Variants in DOCK2 observed in about 807,000 individuals in gnomAD.
DOCK2 encodes dedicator of cytokinesis protein 2.
DOCK2 carries 87 observed loss-of-function variants against 248.9 expected under a neutral mutation model. The ratio of observed to expected loss-of-function variants is 0.35; its 90% CI spans 0.29 to 0.42. DOCK2 has a LOEUF of 0.42. DOCK2 is among the 10% of genes least tolerant of loss of function. DOCK2 has a pLI of 1.00. For missense variants in DOCK2, 1,747 were observed against 2,300.2 expected, an observed-to-expected ratio of 0.76 and a Z score of 4.92; for synonymous variants, 805 against 821.6, an observed-to-expected ratio of 0.98 and a Z score of 0.35.
At chr5:169,720,137 C>T (rs1207425836) in intron 22 of DOCK2, among the ~76,000 whole-genome samples, 3 of 152,182 alleles carry the variant, frequency 2.0e-5, no homozygotes, top group African/African-American at 7.2e-5. Context: ...GTGTCTGTTT[C>T]AGATTCCTCT....
chr5:169,646,987 G>T (rs575777924), intron 1 of DOCK2, among the ~76,000 whole-genome samples: 1 of 152,308 alleles, frequency 6.6e-6, no homozygotes, highest in South Asian at 2.1e-4. Context: ...AACAGTTCGG[G>T]AAGCTTACAG....
At chr5:169,892,244 C>A (rs1274777414) in intron 27 of DOCK2, among the ~76,000 whole-genome samples, 1 of 152,046 alleles carries the variant, frequency 6.6e-6, no homozygotes, top group African/African-American at 2.4e-5. Context: ...TGAAGACAAC[C>A]CCCCTCATTA....
chr5:169,674,029 C>A (rs910652762), intron 5 of DOCK2, among the ~76,000 whole-genome samples: 1 of 152,230 alleles, frequency 6.6e-6, no homozygotes, highest in Admixed American at 6.5e-5. Context: ...CAATAAATAT[C>A]TTTTTAGATA....
chr5:169,998,341 C>G (rs1754719466), intron 30 of DOCK2, among the ~76,000 whole-genome samples: 1 of 152,182 alleles, frequency 6.6e-6, no homozygotes, highest in South Asian at 2.1e-4. Context: ...TGAGATTCAC[C>G]CTTCTGAGAG....
intron 22 of DOCK2, among the ~76,000 whole-genome samples, chr5:169,745,378 C>T (rs570981552): frequency 1.3e-5 from 2 of 152,328 alleles, no homozygotes; most frequent in South Asian, 4.2e-4. Context: ...CAACTGACAA[C>T]AGTACGGCAG....
At chr5:169,642,169 C>T (rs899256349) in intron 1 of DOCK2, among the ~76,000 whole-genome samples, 1 of 152,220 alleles carries the variant, frequency 6.6e-6, no homozygotes, top group South Asian at 2.1e-4. Flanking sequence ...TTGCCAAATG[C>T]AACAGTTGAA....
At chr5:170,078,767 A>G (rs778989495) in intron 48 of DOCK2, among the ~76,000 whole-genome samples, 10 of 152,230 alleles carry the variant, frequency 6.6e-5, no homozygotes, top group Non-Finnish European at 1.3e-4. Context: ...CACGAATAAA[A>G]TAAAGTGAAC....
rs773231564 is a variant in DOCK2, at chr5:169,956,700, A to G, written c.2800-26368A>G. ...AAGTCATGGGGATGCCCTTAAATTC[A>G]CCTGTTTATAAATACAAGCTTTGTT... On this transcript the variant is annotated intron_variant, in intron 27 of 51. Coordinates refer to ENST00000520908, the MANE Select transcript of DOCK2 (RefSeq NM_004946.3). 2.3e-4 allele frequency among the ~76,000 whole-genome samples: 35 copies of G among 152,170 alleles called. 1 individual carries two copies. The highest frequency in any genetic ancestry group is 4.7e-4 in the Non-Finnish European group (32 of 68,024).
intron 15 of DOCK2, among the ~76,000 whole-genome samples, chr5:169,708,753 T>C (rs1042412565): frequency 2.0e-5 from 3 of 152,050 alleles, no homozygotes; most frequent in African/African-American, 7.2e-5. Context: ...TTAGTAGAAA[T>C]GGGGTTTCAC....
chr5:169,880,136 G>A (rs2113495611), intron 27 of DOCK2, among the ~76,000 whole-genome samples: 1 of 152,322 alleles, frequency 6.6e-6, no homozygotes, highest in South Asian at 2.1e-4. Context: ...CAATGCTGCA[G>A]GGCTCTTCCG....
At chr5:170,000,826 C>A (rs115159238) in intron 30 of DOCK2, among the ~76,000 whole-genome samples, 1,847 of 152,248 alleles carry the variant, frequency 0.012, 37 homozygotes, top group African/African-American at 0.04. Flanking sequence ...GTTTTGATAT[C>A]CTGTGAAATG....
intron 1 of DOCK2, among the ~76,000 whole-genome samples, chr5:169,646,870 T>A (rs925420516): frequency 2.0e-5 from 3 of 152,248 alleles, no homozygotes; most frequent in African/African-American, 7.2e-5. Context: ...CAGGAGCTTG[T>A]CAAGAGTCGG....
intron 27 of DOCK2, among the ~76,000 whole-genome samples, chr5:169,914,748 G>T (rs1043351326): frequency 1.3e-5 from 2 of 152,092 alleles, no homozygotes; most frequent in African/African-American, 2.4e-5. Context: ...GGTGGGGCAG[G>T]GTCTTTTAGC....
chr5:169,803,315 T>TCAACGGCTTGCTCAGCAG, intron 26 of DOCK2, 109 bp downstream of exon 26: 2 of 1,432,894 alleles, frequency 1.4e-6, no homozygotes, highest in Non-Finnish European at 1.9e-6. Flanking sequence ...AAGATAAAAG[T>TCAACGGCTTGCTCAGCAG]CAACGGCTTG....
At chr5:170,073,330 A>T (rs183410444) in intron 46 of DOCK2, among the ~76,000 whole-genome samples, 24 of 152,212 alleles carry the variant, frequency 1.6e-4, no homozygotes, top group Non-Finnish European at 1.5e-5. Context: ...GTCTATGTCC[A>T]TGCTTATACC....
At chr5:170,050,458 G>A in intron 41 of DOCK2, 61 bp downstream of exon 41, 1 of 1,545,954 alleles carries the variant, frequency 6.5e-7, no homozygotes, top group Admixed American at 2.1e-5. Flanking sequence ...CAGGGCTGCA[G>A]CCCACAAAGA....
chr5:169,727,208 CCT>C (rs1762525794), intron 22 of DOCK2, among the ~76,000 whole-genome samples: 1 of 152,300 alleles, frequency 6.6e-6, no homozygotes, highest in Middle Eastern at 3.4e-3. Context: ...ATTTATGAAG[CCT>C]CTCCTCTGTG....
intron 29 of DOCK2, 70 bp from the exon 30 acceptor site, chr5:169,996,016 T>C: frequency 1.3e-6 from 2 of 1,536,328 alleles, no homozygotes; most frequent in South Asian, 1.2e-5. Flanking sequence ...GGAATTTTAG[T>C]CTGGCATAAG....
chr5:169,856,097 G>A (rs1216398287), intron 27 of DOCK2, among the ~76,000 whole-genome samples: 2 of 152,100 alleles, frequency 1.3e-5, no homozygotes, highest in Admixed American at 6.5e-5. Flanking sequence ...GGGAAAACTG[G>A]CCCCATGATC....
Sources: allele counts gnomAD v4.1 joint callset (sites outside exome capture counted in the v4.1 genomes callset), GRCh38; gene constraint gnomAD v4.1.1; transcripts MANE v1.5; gene names NCBI Gene and HGNC (gene_info 2026-07-23, HGNC 2026-07-21).